Variants in SORCS3 observed in about 807,000 individuals in gnomAD.
SORCS3 encodes VPS10 domain-containing receptor SorCS3.
A neutral mutation model predicts 146.3 loss-of-function variants in SORCS3; 57 were observed. The ratio of observed to expected loss-of-function variants is 0.39; its 90% confidence interval spans 0.31 to 0.49. The LOEUF is 0.49. Among genes scored for constraint, SORCS3 ranks in the 20% least tolerant of loss-of-function variants. The probability of loss-of-function intolerance (pLI) is 0.92; values close to 1 mark genes in which losing one functional copy is unlikely to be tolerated. For synonymous variants in SORCS3, 653 were observed against 618.5 expected (o/e 1.06, Z -0.83); for missense variants, 1,341 against 1,575.5 (o/e 0.85, Z 2.52).
chr10:104,856,353 TAGAG>T (rs1406473074), intron 2 of SORCS3, among the ~76,000 whole-genome samples: 2 of 149,858 alleles, frequency 1.3e-5, no homozygotes, highest in Non-Finnish European at 3.0e-5. Context: ...TTTATATATA[TAGAG>T]AGAAAGATAA....
intron 1 of SORCS3, among the ~76,000 whole-genome samples, chr10:104,796,023 G>C (rs955143389): frequency 3.3e-5 from 5 of 152,208 alleles, no homozygotes; most frequent in Non-Finnish European, 5.9e-5. Context: ...GCTGTCATGT[G>C]TCTTTGGCTG....
intron 3 of SORCS3, among the ~76,000 whole-genome samples, chr10:104,952,223 T>C (rs2133626952): frequency 8.3e-6 from 1 of 120,388 alleles, no homozygotes; most frequent in South Asian, 3.0e-4. Context: ...TTAAGCACAC[T>C]CTCCAGGTGA....
At chr10:105,183,788 G>T (rs1319853987) in intron 14 of SORCS3, among the ~76,000 whole-genome samples, 2 of 152,264 alleles carry the variant, frequency 1.3e-5, no homozygotes, top group East Asian at 3.9e-4. Context: ...GGGGGTATTG[G>T]ATGATGGTAG....
intron 4 of SORCS3, among the ~76,000 whole-genome samples, chr10:105,033,418 G>A (rs781276200): frequency 6.6e-6 from 1 of 152,174 alleles, no homozygotes; most frequent in Admixed American, 6.5e-5. Context: ...GAGTTTTAGA[G>A]TCTCCATGTG....
At chr10:105,138,746 G>C (rs1277995925) in intron 7 of SORCS3, among the ~76,000 whole-genome samples, 1 of 152,186 alleles carries the variant, frequency 6.6e-6, no homozygotes, top group Non-Finnish European at 1.5e-5. Context: ...TTGTCCCTGA[G>C]CCTTCTAGCC....
At chr10:105,238,681 G>A (rs1356543101) in intron 20 of SORCS3, among the ~76,000 whole-genome samples, 1 of 152,198 alleles carries the variant, frequency 6.6e-6, no homozygotes, top group East Asian at 1.9e-4. Flanking sequence ...ATTTAGGGCA[G>A]CATGATATAA....
chr10:105,009,232 A>C (rs1258402206), intron 4 of SORCS3, among the ~76,000 whole-genome samples: 1 of 152,208 alleles, frequency 6.6e-6, no homozygotes, highest in Non-Finnish European at 1.5e-5. Context: ...TGCATGTCAG[A>C]GCCAAAGGAG....
intron 7 of SORCS3, among the ~76,000 whole-genome samples, chr10:105,131,400 T>G (rs896372251): frequency 2.6e-5 from 4 of 152,254 alleles, no homozygotes; most frequent in Middle Eastern, 3.4e-3. Flanking sequence ...ATCCTCTAAC[T>G]GGAAAAGCTT....
intron 3 of SORCS3, among the ~76,000 whole-genome samples, chr10:104,971,313 A>G (rs2054859281): frequency 6.6e-6 from 1 of 152,228 alleles, no homozygotes; most frequent in South Asian, 2.1e-4. Flanking sequence ...CAGGAGAGAG[A>G]TTTGCATGTT....
intron 1 of SORCS3, among the ~76,000 whole-genome samples, chr10:104,722,306 C>T (rs989010202): frequency 6.6e-6 from 1 of 152,162 alleles, no homozygotes; most frequent in Non-Finnish European, 1.5e-5. Flanking sequence ...GTTGAACCAG[C>T]CTTGCATCCC....
intron 1 of SORCS3, among the ~76,000 whole-genome samples, chr10:104,667,847 G>T (rs573535692): frequency 6.6e-6 from 1 of 152,204 alleles, no homozygotes; most frequent in Non-Finnish European, 1.5e-5. Context: ...GCTTCACAGG[G>T]TTCTAAGAGC....
chr10:105,132,624 G>T (rs1353539239), intron 7 of SORCS3, among the ~76,000 whole-genome samples: 1 of 152,166 alleles, frequency 6.6e-6, no homozygotes, highest in Non-Finnish European at 1.5e-5. Flanking sequence ...GATCTGTCAG[G>T]TTAGGCTTGG....
intron 5 of SORCS3, among the ~76,000 whole-genome samples, chr10:105,075,394 T>C (rs550614389): frequency 6.6e-6 from 1 of 152,278 alleles, no homozygotes; most frequent in Admixed American, 6.5e-5. Context: ...CTCTGTGAAA[T>C]ACCAAGTGCT....
chr10:104,962,158 T>C (rs1221609597), intron 3 of SORCS3, among the ~76,000 whole-genome samples: 2 of 151,788 alleles, frequency 1.3e-5, no homozygotes, highest in South Asian at 2.1e-4. Context: ...ATGGAAGGGA[T>C]TGAGTTAAAA....
chr10:105,106,303 C>T (rs1310929062), intron 7 of SORCS3, among the ~76,000 whole-genome samples: 2 of 152,202 alleles, frequency 1.3e-5, no homozygotes, highest in Non-Finnish European at 2.9e-5. Context: ...TGAGTTGGCT[C>T]AGACCTAAGC....
chr10:104,702,586 C>A (rs2016292630), intron 1 of SORCS3, among the ~76,000 whole-genome samples: 2 of 152,206 alleles, frequency 1.3e-5, no homozygotes, highest in African/African-American at 4.8e-5. Flanking sequence ...CCGTGCCTGG[C>A]AGGATACAGT....
At chr10:104,894,293 C>T (rs977013454) in intron 2 of SORCS3, among the ~76,000 whole-genome samples, 6 of 152,238 alleles carry the variant, frequency 3.9e-5, no homozygotes, top group African/African-American at 7.2e-5. Context: ...CATCTACCAA[C>T]ATTTAATCAC....
chr10:104,726,767 C>T (rs1243925108), intron 1 of SORCS3, among the ~76,000 whole-genome samples: 1 of 152,066 alleles, frequency 6.6e-6, no homozygotes, highest in Non-Finnish European at 1.5e-5. Flanking sequence ...GCCCTATTCC[C>T]ACTGAATGAG....
rs1217140733 is a variant in SORCS3 at position 105,223,250 on chromosome 10, GT to G, written c.2868+4del. 21 of 1,606,342 alleles carry G rather than the reference GT, an allele frequency of 1.3e-5. No individual in the cohort carries two copies. Among genetic ancestry groups the G allele is most frequent in the Non-Finnish European group, 1.6e-5 (19 of 1,175,348 alleles). On this transcript the variant is annotated splice_donor_variant, in intron 20 of 26. Coordinates refer to ENST00000369701, the MANE Select transcript of SORCS3 (RefSeq NM_014978.3). LOFTEE classifies it high-confidence loss of function. The stretch of plus-strand genomic sequence containing the variant: ...CTGGTGGTTCGGCAATAGCACAAAG[GT>G]TTGGCCCTTTCTGATTGATGTCAAA...
Sources: gnomAD v4.1 joint callset for allele counts (sites outside exome capture counted in the v4.1 genomes callset) on GRCh38, gnomAD v4.1.1 for gene constraint, MANE v1.5 for transcripts, NCBI Gene and HGNC (gene_info 2026-07-23, HGNC 2026-07-21) for gene names.